Variants in NBPF15 observed in about 807,000 individuals in gnomAD.
NBPF15 encodes the protein NBPF family member NBPF15.
Under a neutral mutation model 62.2 loss-of-function variants are expected in NBPF15, and 74 were observed. That is an observed-to-expected ratio of 1.19 (90% confidence interval 0.99 to 1.44). The LOEUF (loss-of-function observed/expected upper bound fraction) is 1.44, where lower values mean the gene tolerates loss of function less well. NBPF15 is among the 40% of genes most tolerant of loss of function. The pLI, the probability that NBPF15 is intolerant of heterozygous loss-of-function variation, is 0.00. For missense variants in NBPF15, 790 were observed against 550.0 expected (o/e 1.44, Z -4.36); for synonymous variants, 244 against 209.7 (o/e 1.16, Z -1.41).
At chr1:144,442,896 C>G (rs1193742043) in intron 6 of NBPF15, 1 of 208,548 alleles carries the variant, frequency 4.8e-6, no homozygotes. Flanking sequence ...TCATTGTCAC[C>G]ATGACTGCCA....
chr1:144,457,478 G>A (rs1571170359), intron 3 of NBPF15, among the ~76,000 whole-genome samples: 1 of 151,990 alleles, frequency 6.6e-6, no homozygotes, highest in Non-Finnish European at 1.5e-5. Flanking sequence ...CTGTGACTCT[G>A]CTGTATACAA....
chr1:144,432,256 G>T (rs1674912465), intron 13 of NBPF15, among the ~76,000 whole-genome samples: 1 of 151,734 alleles, frequency 6.6e-6, no homozygotes, highest in Non-Finnish European at 1.5e-5. Flanking sequence ...AGAAGCAAAT[G>T]CTGAGAGATT....
chr1:144,426,617 T>C (rs1433337509), intron 17 of NBPF15, among the ~76,000 whole-genome samples, 167 bp from the exon 18 acceptor site: 2 of 148,984 alleles, frequency 1.3e-5, no homozygotes, highest in African/African-American at 2.5e-5. Context: ...CAGGGCCAGG[T>C]AGAAAAGAAT....
rs1207603428 is a variant in NBPF15 at position 144,439,874 on chromosome 1, G to A, written c.130C>T (p.Leu44=). ...GCCAGGAAGCCGGCCAGTTGAGTTA[G>A]AAAACATTTCTCTTTGAGGTTTCTG... is the stretch of plus-strand genomic sequence containing the variant. ...QFRNLKEKCF[L]TQLAGFLANR... The change falls in exon 8 of 22, where the codon CTA becomes TTA. Residue 44 remains leucine (L), a synonymous_variant. Coordinates refer to ENST00000581897, the MANE Select transcript of NBPF15 (RefSeq NM_001385408.1). 1.9e-6 allele frequency: 3 copies of A among 1,610,036 alleles called. No homozygotes were observed. The highest frequency in any genetic ancestry group is 2.7e-5 in the African/African-American group (2 of 74,622).
Position 144,445,270 on chromosome 1 carries a change from G to GTATATATATA in NBPF15, c.-191+3495_-191+3504dup, listed in dbSNP as rs59434439. ...TGTGTGTTTGTGTGTGTCTGTATAT[G>GTATATATATA]TATATATATATATATATATATATAT... On this transcript the variant is annotated intron_variant, in intron 6 of 21. Transcript: ENST00000581897. Among the ~76,000 whole-genome samples, 500 of 104,966 alleles carry GTATATATATA rather than the reference G, an allele frequency of 4.8e-3. 5 individuals carry two copies. Among genetic ancestry groups the GTATATATATA allele is most frequent in the African/African-American group, 0.015 (412 of 27,808 alleles). 68.9% of individuals were successfully genotyped at this position (104,966 alleles called of 152,430 possible). A position where few individuals can be genotyped will look rare whatever the true frequency, so the allele number is the denominator to read the frequency against.
At position 144,428,588 on chromosome 1, in the gene NBPF15, A is replaced by C. The variant is rs1553539755; in HGVS notation, c.1040+18T>G. On this transcript the variant is annotated intron_variant, in intron 15 of 21. Transcript: ENST00000581897. ...GGTGTCAACATCAAATTAACTGTCCACAATTTCTCAGACTCACCTGGGACC... is the reference window on the plus strand; with the variant it reads ...GGTGTCAACATCAAATTAACTGTCCCCAATTTCTCAGACTCACCTGGGACC... 2.5e-6 allele frequency: 2 copies of C among 793,842 alleles called. No homozygotes were observed. The highest frequency in any genetic ancestry group is 4.5e-6 in the Non-Finnish European group (2 of 443,322). 49.2% of individuals were successfully genotyped at this position (793,842 alleles called of 1,614,324 possible).
intron 16 of NBPF15, 123 bp downstream of exon 16, chr1:144,427,695 T>G (rs1220165862): frequency 3.2e-6 from 2 of 621,032 alleles, no homozygotes; most frequent in African/African-American, 2.0e-5. Flanking sequence ...AACCTACATG[T>G]GCCTATAGGT....
chr1:144,460,168 A>G (rs1375305395), intron 2 of NBPF15, among the ~76,000 whole-genome samples: 1 of 111,542 alleles, frequency 9.0e-6, no homozygotes, highest in African/African-American at 3.7e-5. Context: ...TCAGCCTACC[A>G]GGTAGCTGGG....
intron 20 of NBPF15, 99 bp downstream of exon 20, chr1:144,424,591 T>C (rs61812435): frequency 1.4e-5 from 9 of 656,660 alleles, no homozygotes; most frequent in East Asian, 1.0e-4. Flanking sequence ...ACTGCGGCAA[T>C]GACATCTCTC....
chr1:144,450,412 T>A (rs1192695115), intron 5 of NBPF15, among the ~76,000 whole-genome samples: 2 of 151,954 alleles, frequency 1.3e-5, no homozygotes, highest in African/African-American at 4.8e-5. Flanking sequence ...GTCTCCCCGC[T>A]GACAGCCAGC....
At chr1:144,449,477 T>C (rs1443352160) in intron 5 of NBPF15, among the ~76,000 whole-genome samples, 5 of 150,356 alleles carry the variant, frequency 3.3e-5, no homozygotes, top group African/African-American at 1.2e-4. Flanking sequence ...TAAACTGTGA[T>C]ACATTCATTC....
chr1:144,428,196 C>CACACACAT (rs1380953215), intron 15 of NBPF15, among the ~76,000 whole-genome samples: 1 of 151,506 alleles, frequency 6.6e-6, no homozygotes, highest in African/African-American at 2.4e-5. Context: ...CACACACACA[C>CACACACAT]ACACACACAC....
chr1:144,424,338 T>A (rs1267643006), intron 20 of NBPF15, among the ~76,000 whole-genome samples: 1 of 151,570 alleles, frequency 6.6e-6, no homozygotes, highest in African/African-American at 2.4e-5. Flanking sequence ...AGATTGTTCA[T>A]GGTTGTGAGG....
chr1:144,432,370 A>T (rs1191118857), intron 13 of NBPF15, among the ~76,000 whole-genome samples: 1 of 151,970 alleles, frequency 6.6e-6, no homozygotes, highest in Non-Finnish European at 1.5e-5. Context: ...AACTGTAAAG[A>T]CCATTGACGC....
intron 3 of NBPF15, among the ~76,000 whole-genome samples, chr1:144,459,141 A>G (rs1650471005): frequency 6.6e-6 from 1 of 152,024 alleles, no homozygotes; most frequent in Non-Finnish European, 1.5e-5. Flanking sequence ...CTTAAACAGG[A>G]CACAAAAAGC....
At chr1:144,451,364 A>C (rs1553545456) in intron 4 of NBPF15, among the ~76,000 whole-genome samples, 2 of 151,614 alleles carry the variant, frequency 1.3e-5, no homozygotes, top group East Asian at 1.9e-4. Flanking sequence ...AGGGATGAGC[A>C]GGAGACAGAT....
At position 144,439,854 on chromosome 1, in the gene NBPF15, G is replaced by C; in HGVS notation, c.150C>G (p.Phe50Leu). The change falls in exon 8 of 22, where the codon TTC becomes TTG. Residue 50 changes from phenylalanine (F) to leucine (L), a missense_variant. Physicochemically the swap from Phe to Leu is conservative, Grantham distance 22. Coordinates refer to ENST00000581897, the MANE Select transcript of NBPF15 (RefSeq NM_001385408.1). The stretch of plus-strand genomic sequence containing the variant: ...TGTATTTCTTCTGTCGGTTGGCCAG[G>C]AAGCCGGCCAGTTGAGTTAGAAAAC... Reference protein sequence around the residue: ...EKCFLTQLAGFLANRQKKYKY... With the variant: ...EKCFLTQLAGLLANRQKKYKY... 1 of 1,608,538 alleles carries C rather than the reference G, an allele frequency of 6.2e-7. No individual in the cohort carries two copies. Among genetic ancestry groups the C allele is most frequent in the Non-Finnish European group, 8.5e-7 (1 of 1,177,728 alleles).
intron 9 of NBPF15, among the ~76,000 whole-genome samples, chr1:144,437,525 G>A (rs1473104099): frequency 7.3e-5 from 11 of 149,916 alleles, no homozygotes. Flanking sequence ...AAAGACGAAA[G>A]AAGAAAAGAA....
At position 144,439,919 on chromosome 1, in the gene NBPF15, C is replaced by A; in HGVS notation, c.85G>T (p.Ala29Ser). The change falls in exon 8 of 22, where the codon GCA (alanine) becomes TCA (serine). Residue 29 changes from alanine to serine, a missense_variant. Ala to Ser is a moderately conservative substitution (Grantham distance 99). Coordinates refer to ENST00000581897, the MANE Select transcript of NBPF15 (RefSeq NM_001385408.1). Reference sequence around the variant, plus strand: ...TTTCTGAACTGCTGTTTCTTCTCTGCCAACTGGGGGCGCAATTTCTCATTG... The same window carrying A: ...TTTCTGAACTGCTGTTTCTTCTCTGACAACTGGGGGCGCAATTTCTCATTG... Reference protein sequence around the residue: ...EINEKLRPQLAEKKQQFRNLK... With the variant: ...EINEKLRPQLSEKKQQFRNLK... 1 of 1,611,566 alleles carries A rather than the reference C, an allele frequency of 6.2e-7. No homozygotes were observed. Among genetic ancestry groups the A allele is most frequent in the Non-Finnish European group, 8.5e-7 (1 of 1,179,304 alleles).
Sources: gnomAD v4.1 joint callset for allele counts (sites outside exome capture counted in the v4.1 genomes callset) on GRCh38, gnomAD v4.1.1 for gene constraint, MANE v1.5 for transcripts, NCBI Gene and HGNC (gene_info 2026-07-23, HGNC 2026-07-21) for gene names.